Variants in TMEM260 observed in about 807,000 individuals in gnomAD.
TMEM260 encodes protein O-mannosyl-transferase TMEM260.
A neutral mutation model predicts 88.9 loss-of-function variants in TMEM260; 82 were observed. The observed-to-expected ratio is 0.92, with a 90% CI of 0.77 to 1.11. The LOEUF (loss-of-function observed/expected upper bound fraction) is 1.11. TMEM260 is among the 50% of genes least tolerant of loss of function. The pLI, the probability that TMEM260 is intolerant of heterozygous loss-of-function variation, is 0.00. For synonymous variants in TMEM260, 314 were observed against 309.3 expected, an observed-to-expected ratio of 1.02 and a Z score of -0.16; for missense variants, 902 against 853.4, an observed-to-expected ratio of 1.06 and a Z score of -0.71.
chr14:56,612,335 C>T, intron 7 of TMEM260, 50 bp downstream of exon 7: 1 of 1,489,538 alleles, frequency 6.7e-7, no homozygotes, highest in Non-Finnish European at 9.4e-7. Flanking sequence ...TCTATTAGTT[C>T]CTTTAAGTGA....
the TMEM260 span, among the ~76,000 whole-genome samples, chr14:56,660,566 C>T: frequency 1.3e-5 from 2 of 152,070 alleles, no homozygotes; most frequent in Non-Finnish European, 2.9e-5. Flanking sequence ...AATTAGAAGG[C>T]TTAGAGATGG....
intron 9 of TMEM260, 42 bp from the exon 10 acceptor site, chr14:56,618,552 A>T: frequency 6.3e-7 from 1 of 1,593,638 alleles, no homozygotes; most frequent in East Asian, 2.2e-5. Context: ...TGATAGCATT[A>T]AATAGTCAAC....
intron 7 of TMEM260, chr14:56,612,655 G>GA (rs1411580083): frequency 1.2e-5 from 2 of 167,942 alleles, no homozygotes; most frequent in African/African-American, 4.8e-5. Context: ...ATTATGACAA[G>GA]AAAAAACATC....
intron 11 of TMEM260, 84 bp from the exon 12 acceptor site, chr14:56,625,298 T>C: frequency 7.3e-7 from 1 of 1,363,860 alleles, no homozygotes; most frequent in Non-Finnish European, 1.0e-6. Context: ...AAAAGTAATT[T>C]AGGTTTTTGC....
the TMEM260 span, among the ~76,000 whole-genome samples, chr14:56,659,415 A>G: frequency 5.2e-4 from 79 of 152,288 alleles, no homozygotes; most frequent in Non-Finnish European, 9.1e-4. Context: ...AAGAGACACA[A>G]TCCCTAAGGC....
chr14:56,636,478 T>A, intron 14 of TMEM260, 30 bp from the exon 15 acceptor site: 1 of 1,591,786 alleles, frequency 6.3e-7, no homozygotes, highest in Non-Finnish European at 8.6e-7. Context: ...ACTGTATGAT[T>A]TTAATGAAGG....
At chr14:56,625,626 C>T in intron 12 of TMEM260, 96 bp downstream of exon 12, 2 of 900,332 alleles carry the variant, frequency 2.2e-6, no homozygotes, top group South Asian at 1.9e-5. Context: ...GACCAATTTT[C>T]TCTGCCTATT....
chr14:56,641,590 G>C (rs1484863894), intron 15 of TMEM260, among the ~76,000 whole-genome samples: 1 of 152,188 alleles, frequency 6.6e-6, no homozygotes, highest in Non-Finnish European at 1.5e-5. Context: ...ATAAAGGCTA[G>C]GAAGAAACTG....
downstream of TMEM260, among the ~76,000 whole-genome samples, chr14:56,652,103 G>C (rs1250797987): frequency 6.6e-6 from 1 of 152,146 alleles, no homozygotes; most frequent in Non-Finnish European, 1.5e-5. Context: ...AACTGAAAGG[G>C]GAACACTGCT....
intron 12 of TMEM260, among the ~76,000 whole-genome samples, chr14:56,628,040 G>GCT (rs1475827229): frequency 1.3e-5 from 2 of 152,206 alleles, no homozygotes; most frequent in Non-Finnish European, 2.9e-5. Flanking sequence ...TTCACTTAGT[G>GCT]TAGTGCCTTT....
At chr14:56,654,998 A>T (rs1594913875), downstream of TMEM260, among the ~76,000 whole-genome samples, 1 of 152,130 alleles carries the variant, frequency 6.6e-6, no homozygotes, top group East Asian at 1.9e-4. Context: ...GACTGTAGTA[A>T]AAATAGTAAT....
At chr14:56,627,621 A>T (rs148256499) in intron 12 of TMEM260, among the ~76,000 whole-genome samples, 1 of 152,274 alleles carries the variant, frequency 6.6e-6, no homozygotes, top group African/African-American at 2.4e-5. Context: ...AACTCAAAGG[A>T]CATGCATTAT....
chr14:56,646,894 A>T (rs1053234884), intron 15 of TMEM260, among the ~76,000 whole-genome samples: 1 of 152,072 alleles, frequency 6.6e-6, no homozygotes, highest in African/African-American at 2.4e-5. Context: ...TAGAGTTTCA[A>T]CCCTTCTGCC....
At chr14:56,587,227 A>G (rs1885561687) in intron 3 of TMEM260, among the ~76,000 whole-genome samples, 1 of 151,938 alleles carries the variant, frequency 6.6e-6, no homozygotes, top group Non-Finnish European at 1.5e-5. Context: ...TTTAAAGAAG[A>G]CTAATATATT....
At chr14:56,628,238 T>A (rs866992742) in intron 12 of TMEM260, among the ~76,000 whole-genome samples, 1 of 152,184 alleles carries the variant, frequency 6.6e-6, no homozygotes, top group Non-Finnish European at 1.5e-5. Flanking sequence ...TGTGTGTGAG[T>A]ATGTTTTCTG....
chr14:56,616,968 T>C (rs1887629630), intron 8 of TMEM260, among the ~76,000 whole-genome samples: 1 of 152,150 alleles, frequency 6.6e-6, no homozygotes, highest in Admixed American at 6.5e-5. Context: ...AATGTTAGCT[T>C]TATATCCTTT....
At chr14:56,662,996 C>T in the TMEM260 span, among the ~76,000 whole-genome samples, 1 of 152,108 alleles carries the variant, frequency 6.6e-6, no homozygotes, top group Non-Finnish European at 1.5e-5. Flanking sequence ...GGCGTGGTGG[C>T]ACATGCCTGT....
At chr14:56,633,555 A>G (rs978859249) in intron 13 of TMEM260, 1 of 155,206 alleles carries the variant, frequency 6.4e-6, no homozygotes, top group African/African-American at 2.4e-5. Context: ...TAGTTTCCAT[A>G]TGCACAAACT....
chr14:56,612,841 T>A (rs1193659616), intron 7 of TMEM260: 1 of 152,388 alleles, frequency 6.6e-6, no homozygotes, highest in Non-Finnish European at 1.5e-5. Context: ...AACACAACGG[T>A]GAATATTAGA....
Sources: gnomAD v4.1 joint callset for allele counts (sites outside exome capture counted in the v4.1 genomes callset) on GRCh38, gnomAD v4.1.1 for gene constraint, MANE v1.5 for transcripts, NCBI Gene and HGNC (gene_info 2026-07-23, HGNC 2026-07-21) for gene names.